The following OLA1 variants were observed in gnomAD, a reference collection of about 807,000 sequenced individuals.
OLA1 encodes obg-like ATPase 1.
In OLA1, 14 loss-of-function variants were observed where a neutral mutation model predicts 48.4. That is an observed-to-expected ratio of 0.29 (90% CI 0.19 to 0.45). The LOEUF (loss-of-function observed/expected upper bound fraction) is 0.45. Among genes scored for constraint, OLA1 ranks in the 20% least tolerant of loss-of-function variants. The probability of loss-of-function intolerance (pLI) is 1.00; values close to 1 mark genes in which losing one functional copy is unlikely to be tolerated. For synonymous variants in OLA1, 127 were observed against 150.4 expected, an observed-to-expected ratio of 0.84 and a Z score of 1.14; for missense variants, 325 against 467.1, an observed-to-expected ratio of 0.70 and a Z score of 2.80.
chr2:174,225,445 G>A (rs1382296828), intron 3 of OLA1, among the ~76,000 whole-genome samples: 2 of 152,148 alleles, frequency 1.3e-5, no homozygotes, highest in East Asian at 3.9e-4. Context: ...AGCTACTCAG[G>A]AGGCTGGGGC....
intron 4 of OLA1, among the ~76,000 whole-genome samples, chr2:174,221,264 T>G (rs1049911878): frequency 4.5e-5 from 5 of 110,428 alleles, no homozygotes; most frequent in Non-Finnish European, 7.7e-5. Flanking sequence ...ACCAAATTCA[T>G]TTCCCCCCCC....
At chr2:174,085,785 C>T (rs1050525776) in intron 7 of OLA1, among the ~76,000 whole-genome samples, 13 of 152,132 alleles carry the variant, frequency 8.5e-5, no homozygotes, top group African/African-American at 3.1e-4. Context: ...CTATTTGTTT[C>T]TTCCAAATCT....
chr2:174,083,778 C>A (rs928432911), intron 7 of OLA1, among the ~76,000 whole-genome samples: 1 of 151,886 alleles, frequency 6.6e-6, no homozygotes, highest in Non-Finnish European at 1.5e-5. Context: ...AGATCACATA[C>A]CAAATAGATT....
At chr2:174,191,191 A>G (rs1574540170) in intron 4 of OLA1, among the ~76,000 whole-genome samples, 2 of 152,130 alleles carry the variant, frequency 1.3e-5, no homozygotes, top group Non-Finnish European at 2.9e-5. Flanking sequence ...CAACGTATAC[A>G]TATACGAAAA....
intron 4 of OLA1, among the ~76,000 whole-genome samples, chr2:174,184,566 C>T (rs1293341303): frequency 6.6e-6 from 1 of 152,152 alleles, no homozygotes. Context: ...GAATCCTGGA[C>T]CGGAAAAATG....
At chr2:174,089,680 T>C (rs887318079) in intron 7 of OLA1, among the ~76,000 whole-genome samples, 5 of 151,968 alleles carry the variant, frequency 3.3e-5, no homozygotes, top group African/African-American at 7.2e-5. Context: ...GGCGGGGGGA[T>C]TGCTTGAGCT....
chr2:174,104,808 T>G (rs1685478466), intron 7 of OLA1, among the ~76,000 whole-genome samples: 1 of 151,866 alleles, frequency 6.6e-6, no homozygotes, highest in African/African-American at 2.4e-5. Context: ...TGATGAAAAA[T>G]GATAAAAACA....
intron 4 of OLA1, among the ~76,000 whole-genome samples, chr2:174,190,927 A>C (rs1271334256): frequency 7.1e-6 from 1 of 140,064 alleles, no homozygotes; most frequent in Non-Finnish European, 1.5e-5. Context: ...CCTGGGCAAC[A>C]GAGCAAGACT....
chr2:174,152,832 G>A (rs1255117163), intron 4 of OLA1, among the ~76,000 whole-genome samples: 1 of 152,150 alleles, frequency 6.6e-6, no homozygotes, highest in East Asian at 1.9e-4. Flanking sequence ...CCAGGGAAAA[G>A]TCTATTAAAA....
At chr2:174,175,536 C>G (rs1687401046) in intron 4 of OLA1, among the ~76,000 whole-genome samples, 1 of 151,940 alleles carries the variant, frequency 6.6e-6, no homozygotes, top group Non-Finnish European at 1.5e-5. Context: ...ACAATATTCT[C>G]TATAATGCCT....
chr2:174,123,622 G>T lies in OLA1; in HGVS notation c.603C>A (p.Arg201=). Residue 201 remains arginine (R), a synonymous_variant, in exon 6 of 11, where the codon CGC becomes CGA. Coordinates refer to ENST00000284719, the MANE Select transcript of OLA1 (RefSeq NM_013341.5). Reference sequence around the variant, plus strand: ...CTTTGTCATTCCAATCATGATAGAAGCGAACAGGTTTCTTTTGATCTATAA... The same window carrying T: ...CTTTGTCATTCCAATCATGATAGAATCGAACAGGTTTCTTTTGATCTATAA... ...SWVIDQKKPV[R]FYHDWNDKEI... 1 of 1,597,304 alleles carries T rather than the reference G, an allele frequency of 6.3e-7. No individual in the cohort carries two copies.
intron 4 of OLA1, among the ~76,000 whole-genome samples, chr2:174,201,497 C>T (rs911932373): frequency 1.3e-5 from 2 of 152,114 alleles, no homozygotes; most frequent in Non-Finnish European, 2.9e-5. Context: ...TACAGGCACA[C>T]GCCACCATGC....
chr2:174,189,795 T>C (rs925392860), intron 4 of OLA1, among the ~76,000 whole-genome samples: 2 of 149,998 alleles, frequency 1.3e-5, no homozygotes, highest in African/African-American at 2.5e-5. Context: ...CCATTCAGTA[T>C]ACAAGTAGGA....
chr2:174,188,371 A>T (rs888985475), intron 4 of OLA1, among the ~76,000 whole-genome samples: 3 of 149,330 alleles, frequency 2.0e-5, no homozygotes, highest in Non-Finnish European at 4.5e-5. Flanking sequence ...TTCCTCCTAA[A>T]AATAATAATA....
intron 5 of OLA1, among the ~76,000 whole-genome samples, chr2:174,133,422 G>A (rs550841183): frequency 2.0e-5 from 3 of 152,220 alleles, no homozygotes; most frequent in Admixed American, 6.5e-5. Context: ...GTGCAGTGGC[G>A]CAACCTCGAC....
intron 3 of OLA1, 149 bp from the exon 4 acceptor site, chr2:174,223,309 C>A: frequency 2.8e-6 from 2 of 723,184 alleles, no homozygotes; most frequent in East Asian, 2.8e-5. Flanking sequence ...ACCCCTCCCC[C>A]CAAAAAAAAT....
intron 1 of OLA1, chr2:174,248,067 T>C (rs959671471): frequency 7.2e-6 from 2 of 277,668 alleles, no homozygotes; most frequent in Non-Finnish European, 1.4e-5. Flanking sequence ...CTCAGCGTCC[T>C]GACACCTGTT....
chr2:174,169,932 T>C (rs1687256305), intron 4 of OLA1, among the ~76,000 whole-genome samples: 1 of 152,216 alleles, frequency 6.6e-6, no homozygotes, highest in Non-Finnish European at 1.5e-5. Context: ...ATTTACAAAA[T>C]GTGTAGAGTA....
At chr2:174,155,784 T>A (rs1686863157) in intron 4 of OLA1, among the ~76,000 whole-genome samples, 1 of 151,964 alleles carries the variant, frequency 6.6e-6, no homozygotes, top group African/African-American at 2.4e-5. Flanking sequence ...TAGATCAGCA[T>A]GAATCAGGAT....
Sources: gnomAD v4.1 joint callset for allele counts (sites outside exome capture counted in the v4.1 genomes callset) on GRCh38, gnomAD v4.1.1 for gene constraint, MANE v1.5 for transcripts, NCBI Gene and HGNC (gene_info 2026-07-23, HGNC 2026-07-21) for gene names.